Variants in DDR2 observed in about 807,000 individuals in gnomAD.
The protein encoded by DDR2 is discoidin domain receptor tyrosine kinase 2.
Under a neutral mutation model 94.9 loss-of-function variants are expected in DDR2, and 27 were observed. The ratio of observed to expected loss-of-function variants is 0.28; its 90% CI spans 0.21 to 0.39. The LOEUF (loss-of-function observed/expected upper bound fraction) is 0.39, where lower values mean the gene tolerates loss of function less well. Among genes scored for constraint, DDR2 ranks in the 10% least tolerant of loss-of-function variants. DDR2 has a pLI of 1.00. For missense variants in DDR2, 783 were observed against 1,076.0 expected, an observed-to-expected ratio of 0.73 and a Z score of 3.81; for synonymous variants, 382 against 377.2, an observed-to-expected ratio of 1.01 and a Z score of -0.15.
At chr1:162,661,163 T>C (rs1227454576) in intron 2 of DDR2, among the ~76,000 whole-genome samples, 1 of 152,142 alleles carries the variant, frequency 6.6e-6, no homozygotes, top group African/African-American at 2.4e-5. Context: ...CCTGTGACTT[T>C]CCAAAATCCA....
At chr1:162,724,190 C>T (rs745965439) in intron 3 of DDR2, among the ~76,000 whole-genome samples, 3 of 152,130 alleles carry the variant, frequency 2.0e-5, no homozygotes, top group Non-Finnish European at 2.9e-5. Flanking sequence ...GGACGAGGAC[C>T]CAGGGCTACC....
intron 2 of DDR2, among the ~76,000 whole-genome samples, chr1:162,672,182 G>A (rs1476427271): frequency 6.6e-6 from 1 of 152,150 alleles, no homozygotes; most frequent in Non-Finnish European, 1.5e-5. Context: ...TACCAGCTTG[G>A]TAACTGGAAA....
At chr1:162,667,913 G>C (rs1404584885) in intron 2 of DDR2, among the ~76,000 whole-genome samples, 2 of 152,166 alleles carry the variant, frequency 1.3e-5, no homozygotes. Flanking sequence ...TCAATTGTCA[G>C]AGTCACTGGA....
chr1:162,771,018 G>C (rs1510322), intron 12 of DDR2, among the ~76,000 whole-genome samples: 1 of 152,168 alleles, frequency 6.6e-6, no homozygotes, highest in Admixed American at 6.5e-5. Flanking sequence ...TATTTTTTGT[G>C]AATTTCTCTT....
chr1:162,677,021 G>A lies in DDR2; in HGVS notation c.-28+21647G>A, dbSNP rs528874635. Among the ~76,000 whole-genome samples the A allele has an allele frequency of 1.0e-4, 15 of 147,202 alleles. No individual in the cohort carries two copies. In the South Asian group the frequency reaches 2.3e-3, roughly 23 times the overall value. On this transcript the variant is annotated intron_variant, in intron 2 of 17. Coordinates refer to ENST00000367921, the MANE Select transcript of DDR2 (RefSeq NM_006182.4). Reference sequence around the variant, plus strand: ...GAAACAGTGTTTCCTCTGTGCTCACGGGGTTTTGGCCAATCACAGAGGGTG... The same window carrying A: ...GAAACAGTGTTTCCTCTGTGCTCACAGGGTTTTGGCCAATCACAGAGGGTG...
intron 3 of DDR2, among the ~76,000 whole-genome samples, chr1:162,724,138 A>T (rs1192352661): frequency 6.6e-6 from 1 of 152,132 alleles, no homozygotes; most frequent in African/African-American, 2.4e-5. Flanking sequence ...AAAGCAGGTG[A>T]GTGATTTGCC....
At chr1:162,761,064 G>A (rs1041049712) in intron 8 of DDR2, 147 bp from the exon 9 acceptor site, 1 of 1,174,730 alleles carries the variant, frequency 8.5e-7, no homozygotes, top group African/African-American at 1.5e-5. Context: ...AATGTACCTA[G>A]GAGGAAGCAG....
intron 3 of DDR2, among the ~76,000 whole-genome samples, chr1:162,733,038 G>A (rs1321665596): frequency 6.6e-6 from 1 of 152,220 alleles, no homozygotes; most frequent in Non-Finnish European, 1.5e-5. Context: ...TGGCTTCTCT[G>A]TCCGGGAGAT....
intron 14 of DDR2, among the ~76,000 whole-genome samples, 164 bp from the exon 15 acceptor site, chr1:162,775,488 A>G (rs1028011719): frequency 6.6e-6 from 1 of 152,218 alleles, no homozygotes; most frequent in African/African-American, 2.4e-5. Flanking sequence ...GGAGGAATAG[A>G]ATGAGACAGA....
At chr1:162,641,496 C>T (rs951570907) in intron 1 of DDR2, among the ~76,000 whole-genome samples, 1 of 152,210 alleles carries the variant, frequency 6.6e-6, no homozygotes, top group African/African-American at 2.4e-5. Flanking sequence ...CTTAGTTTAG[C>T]AAAGACCATG....
intron 2 of DDR2, among the ~76,000 whole-genome samples, chr1:162,677,579 T>A (rs987482312): frequency 6.6e-6 from 1 of 152,174 alleles, no homozygotes; most frequent in South Asian, 2.1e-4. Flanking sequence ...GGTGGGGGGA[T>A]GCAAGGGAGG....
Position 162,782,218 on chromosome 1 carries a change from T to C in DDR2, c.*1972T>C, listed in dbSNP as rs777359312. 5.9e-5 allele frequency: 9 copies of C among 152,256 alleles called. No homozygotes were observed. The highest frequency in any genetic ancestry group is 1.5e-5 in the Non-Finnish European group (1 of 68,062). The allele number at this position is 152,256 out of a possible 1,614,324, so 9.4% of individuals were successfully genotyped here. On this transcript the variant is annotated 3_prime_UTR_variant, in exon 18 of 18. Coordinates refer to ENST00000367921, the MANE Select transcript of DDR2 (RefSeq NM_006182.4). ...AATCACTTGGTCTTTCTGCATTTTG[T>C]TTTCTTATTTATAGGATGAGGAAAT...
intron 3 of DDR2, among the ~76,000 whole-genome samples, chr1:162,727,136 CAT>C (rs1449845184): frequency 3.5e-5 from 5 of 142,036 alleles, no homozygotes; most frequent in African/African-American, 1.3e-4. Flanking sequence ...TAAATATAAA[CAT>C]ATATTTATAT....
intron 1 of DDR2, among the ~76,000 whole-genome samples, chr1:162,647,555 G>T (rs1380423779): frequency 2.6e-5 from 4 of 152,084 alleles, no homozygotes; most frequent in Non-Finnish European, 5.9e-5. Context: ...TGCTCAATTG[G>T]GTATACTTGT....
At chr1:162,760,032 G>A in intron 8 of DDR2, 53 bp downstream of exon 8, 1 of 1,612,890 alleles carries the variant, frequency 6.2e-7, no homozygotes, top group Non-Finnish European at 8.5e-7. Flanking sequence ...AAATCATAGT[G>A]TGGTAGAGAA....
chr1:162,753,070 T>C, intron 3 of DDR2, 25 bp from the exon 4 acceptor site: 1 of 1,597,148 alleles, frequency 6.3e-7, no homozygotes. Flanking sequence ...GTCCTCTCTT[T>C]TCTCTTTGGT....
intron 3 of DDR2, among the ~76,000 whole-genome samples, chr1:162,738,041 T>G (rs1662402324): frequency 6.6e-6 from 1 of 151,484 alleles, no homozygotes; most frequent in African/African-American, 2.4e-5. Context: ...CTTTGAAAAC[T>G]GGCACAAGAC....
chr1:162,719,178 A>G, intron 3 of DDR2, 33 bp downstream of exon 3: 1 of 1,613,442 alleles, frequency 6.2e-7, no homozygotes, highest in Non-Finnish European at 8.5e-7. Context: ...ATATGCTAGA[A>G]GACCAGCAGA....
intron 2 of DDR2, among the ~76,000 whole-genome samples, chr1:162,718,079 T>C (rs1661249600): frequency 6.6e-6 from 1 of 152,234 alleles, no homozygotes; most frequent in South Asian, 2.1e-4. Context: ...TATAGCAGCA[T>C]GAACTCATGG....
Sources: gnomAD v4.1 joint callset for allele counts (sites outside exome capture counted in the v4.1 genomes callset) on GRCh38, gnomAD v4.1.1 for gene constraint, MANE v1.5 for transcripts, NCBI Gene and HGNC (gene_info 2026-07-23, HGNC 2026-07-21) for gene names.